The following PREX2 variants were observed in gnomAD, a reference collection of about 807,000 sequenced individuals.
The protein encoded by PREX2 is phosphatidylinositol 3,4,5-trisphosphate-dependent Rac exchanger 2 protein.
A neutral mutation model predicts 203.2 loss-of-function variants in PREX2; 107 were observed. The observed-to-expected ratio is 0.53, with a 90% CI of 0.45 to 0.62. The LOEUF is 0.62. Among genes scored for constraint, PREX2 ranks in the 20% least tolerant of loss-of-function variants. The pLI is 0.00. For synonymous variants in PREX2, 672 were observed against 663.6 expected (o/e 1.01, Z -0.19); for missense variants, 1,777 against 1,955.9 (o/e 0.91, Z 1.72).
rs536387865 is a variant in PREX2, at chr8:67,970,300, C to T, written c.141+17765C>T. Among the ~76,000 whole-genome samples, 17 of 152,132 alleles carry T rather than the reference C, an allele frequency of 1.1e-4. No homozygotes were observed. The South Asian group carries it at 1.2e-3, about 11-fold the overall frequency. On this transcript the variant is annotated intron_variant, in intron 1 of 39. Transcript: ENST00000288368. ...AGATACAGTTTAATCATCAAACTAC[C>T]GCCCCACACTAAAAAATATAATAAA...
At chr8:68,199,105 G>A (rs146983781) in intron 37 of PREX2, among the ~76,000 whole-genome samples, 26 of 151,688 alleles carry the variant, frequency 1.7e-4, no homozygotes, top group African/African-American at 6.3e-4. Context: ...GGTTGTTAGT[G>A]GCACCATCAA....
chr8:68,112,130 T>C (rs1228061699), intron 25 of PREX2, among the ~76,000 whole-genome samples: 1 of 152,158 alleles, frequency 6.6e-6, no homozygotes, highest in Non-Finnish European at 1.5e-5. Flanking sequence ...GAGCCAAAGA[T>C]GGAATTAGAG....
chr8:67,975,688 C>T (rs12675650), intron 1 of PREX2, among the ~76,000 whole-genome samples: 32,085 of 90,408 alleles, frequency 0.35, 5,406 homozygotes, highest in East Asian at 0.62. Flanking sequence ...TAACTGATTT[C>T]TCTTTCTTTT....
chr8:68,156,171 C>A (rs1811540204), intron 34 of PREX2, among the ~76,000 whole-genome samples: 1 of 152,094 alleles, frequency 6.6e-6, no homozygotes, highest in Non-Finnish European at 1.5e-5. Flanking sequence ...AGTTATCTTC[C>A]CACTTCAGCC....
chr8:68,215,990 TTAA>T (rs1354573786), intron 37 of PREX2, among the ~76,000 whole-genome samples: 4 of 152,218 alleles, frequency 2.6e-5, no homozygotes, highest in African/African-American at 9.6e-5. Context: ...CAACTAGAAC[TTAA>T]TGATGAAACT....
chr8:68,075,054 C>A (rs1473802780), intron 14 of PREX2, among the ~76,000 whole-genome samples: 4 of 152,098 alleles, frequency 2.6e-5, no homozygotes, highest in Non-Finnish European at 5.9e-5. Flanking sequence ...CATTCAATTC[C>A]TGTACGTTGT....
intron 34 of PREX2, among the ~76,000 whole-genome samples, chr8:68,150,789 C>T (rs140829697): frequency 0.015 from 2,314 of 152,266 alleles, 24 homozygotes; most frequent in Non-Finnish European, 0.022. Context: ...TAGCAAGTTA[C>T]CACAAGCTCG....
chr8:68,105,488 C>G (rs1384460380), intron 23 of PREX2: 2 of 1,150,186 alleles, frequency 1.7e-6, no homozygotes, highest in Middle Eastern at 4.0e-4. Flanking sequence ...AAGCCAGTCC[C>G]CCTAGCAAGA....
chr8:68,039,082 A>T (rs1435723032), intron 7 of PREX2, among the ~76,000 whole-genome samples: 1 of 152,124 alleles, frequency 6.6e-6, no homozygotes, highest in Admixed American at 6.5e-5. Flanking sequence ...ATTGTCGAAG[A>T]TCTCTTATCT....
chr8:67,965,515 GTATATA>G (rs34032003), intron 1 of PREX2, among the ~76,000 whole-genome samples: 15 of 150,318 alleles, frequency 1.0e-4, no homozygotes, highest in African/African-American at 3.7e-4. Context: ...ATATGTGTGT[GTATATA>G]TATATATGTG....
rs1810497445 is a variant in PREX2, at chr8:68,109,641, C to T, written c.3146+18C>T. On this transcript the variant is annotated intron_variant, in intron 25 of 39. Coordinates refer to ENST00000288368, the MANE Select transcript of PREX2 (RefSeq NM_024870.4). ...ATAGATGAGTAAGTGTTTTGTACTA[C>T]ACTTTTAAGTTTGCCAAATAAAATA... 2.5e-6 allele frequency: 4 copies of T among 1,594,570 alleles called. No individual in the cohort carries two copies. Among genetic ancestry groups the T allele is most frequent in the Non-Finnish European group, 1.7e-6 (2 of 1,164,896 alleles).
intron 1 of PREX2, among the ~76,000 whole-genome samples, chr8:67,964,245 C>T (rs1205369762): frequency 6.6e-6 from 1 of 152,208 alleles, no homozygotes; most frequent in African/African-American, 2.4e-5. Context: ...CTTTCACTCT[C>T]ATCCCCACGA....
intron 1 of PREX2, among the ~76,000 whole-genome samples, chr8:68,000,312 C>A (rs1014474746): frequency 6.6e-6 from 1 of 151,976 alleles, no homozygotes; most frequent in Non-Finnish European, 1.5e-5. Flanking sequence ...AACAGTTAGG[C>A]GAGAGAGAGC....
intron 34 of PREX2, among the ~76,000 whole-genome samples, chr8:68,151,876 A>G (rs1170574305): frequency 6.6e-6 from 1 of 151,898 alleles, no homozygotes; most frequent in Non-Finnish European, 1.5e-5. Context: ...TAAAAATCAC[A>G]TAGAAACTTG....
At chr8:68,209,576 A>G (rs1420590345) in intron 37 of PREX2, among the ~76,000 whole-genome samples, 1 of 152,152 alleles carries the variant, frequency 6.6e-6, no homozygotes, top group Non-Finnish European at 1.5e-5. Context: ...TCTTGTTTCC[A>G]TGACTAAAAG....
intron 6 of PREX2, among the ~76,000 whole-genome samples, chr8:68,033,767 T>A (rs981359445): frequency 4.6e-5 from 7 of 152,190 alleles, no homozygotes; most frequent in Non-Finnish European, 5.9e-5. Context: ...TGACTGCCAG[T>A]CCTCCAGTTT....
intron 37 of PREX2, among the ~76,000 whole-genome samples, chr8:68,211,109 C>G (rs1285266398): frequency 6.6e-6 from 1 of 152,118 alleles, no homozygotes; most frequent in Non-Finnish European, 1.5e-5. Context: ...CCTGACCTTC[C>G]TTTAGTTCTA....
intron 1 of PREX2, among the ~76,000 whole-genome samples, chr8:67,975,614 G>A (rs1015620299): frequency 6.7e-6 from 1 of 150,372 alleles, no homozygotes; most frequent in African/African-American, 2.4e-5. Flanking sequence ...CAGGGAAGCA[G>A]TGCCTAAGTA....
chr8:68,175,205 A>G (rs1444796981), intron 35 of PREX2, among the ~76,000 whole-genome samples: 1 of 152,090 alleles, frequency 6.6e-6, no homozygotes, highest in Non-Finnish European at 1.5e-5. Flanking sequence ...AGCAGTGGAG[A>G]AGCTGTTTCA....
Sources: gnomAD v4.1 joint callset for allele counts (sites outside exome capture counted in the v4.1 genomes callset) on GRCh38, gnomAD v4.1.1 for gene constraint, MANE v1.5 for transcripts, NCBI Gene and HGNC (gene_info 2026-07-23, HGNC 2026-07-21) for gene names.